Variants in NDRG4 observed in about 807,000 individuals in gnomAD.
The protein encoded by NDRG4 is protein NDRG4.
Under a neutral mutation model 55.8 loss-of-function variants are expected in NDRG4, and 38 were observed. The observed-to-expected ratio is 0.68, with a 90% CI of 0.53 to 0.89. The LOEUF (loss-of-function observed/expected upper bound fraction) is 0.89, where lower values mean the gene tolerates loss of function less well. Ranked by LOEUF, NDRG4 falls within the 40% of genes least tolerant of loss-of-function variation. The pLI, the probability that NDRG4 is intolerant of heterozygous loss-of-function variation, is 0.00. For missense variants in NDRG4, 455 were observed against 468.6 expected (o/e 0.97, Z 0.27); for synonymous variants, 190 against 182.7 (o/e 1.04, Z -0.32).
At chr16:58,469,288 G>A (rs549146851) in intron 1 of NDRG4, among the ~76,000 whole-genome samples, 8 of 151,600 alleles carry the variant, frequency 5.3e-5, no homozygotes, top group Non-Finnish European at 1.2e-4. Flanking sequence ...GTGCTGTGAT[G>A]TTGATGTGGG....
intron 1 of NDRG4, among the ~76,000 whole-genome samples, chr16:58,475,356 T>C (rs1230306583): frequency 1.3e-5 from 2 of 152,194 alleles, no homozygotes; most frequent in Admixed American, 6.5e-5. Context: ...GGCTCACTGG[T>C]TTAAACTGCC....
rs994528714 is a variant in NDRG4 at position 58,504,057 on chromosome 16, G to C, written c.128-97G>C. 1.8e-5 allele frequency: 29 copies of C among 1,592,128 alleles called. No homozygotes were observed. The African/African-American group carries it at 3.8e-4, about 21-fold the overall frequency. ...GCCTCCATTTCCCCGACGGACCCGA[G>C]GCTTACACTTCTGCCTTGCCTGCCC... is the stretch of plus-strand genomic sequence containing the variant. On this transcript the variant is annotated intron_variant, in intron 2 of 14. Coordinates refer to ENST00000570248, the MANE Select transcript of NDRG4 (RefSeq NM_001242835.2).
At chr16:58,481,783 A>G (rs962581000) in intron 1 of NDRG4, among the ~76,000 whole-genome samples, 1 of 152,038 alleles carries the variant, frequency 6.6e-6, no homozygotes, top group Non-Finnish European at 1.5e-5. Flanking sequence ...GGGAATCCTG[A>G]GGGAAGATTG....
At chr16:58,496,538 G>A (rs1442026088), upstream of NDRG4, among the ~76,000 whole-genome samples, 8 of 152,006 alleles carry the variant, frequency 5.3e-5, no homozygotes, top group Admixed American at 2.0e-4. Flanking sequence ...CCCTGCCTCC[G>A]TGGGGGCAGC....
chr16:58,504,532 G>A, intron 4 of NDRG4, 57 bp from the exon 5 acceptor site: 15 of 1,612,774 alleles, frequency 9.3e-6, no homozygotes, highest in Non-Finnish European at 1.1e-5. Context: ...TGCTCTGGAT[G>A]ACATGTATGG....
intron 1 of NDRG4, among the ~76,000 whole-genome samples, chr16:58,486,749 ACG>A (rs1358610795): frequency 3.7e-5 from 5 of 133,372 alleles, no homozygotes; most frequent in African/African-American, 1.4e-4. Flanking sequence ...ACACACACAC[ACG>A]CCTGCATGTA....
intron 1 of NDRG4, among the ~76,000 whole-genome samples, chr16:58,475,236 G>A (rs1389200358): frequency 6.6e-5 from 10 of 152,192 alleles, no homozygotes; most frequent in Non-Finnish European, 1.5e-5. Context: ...AAAGAAATGC[G>A]AGAATTCGTG....
chr16:58,495,714 G>A (rs911996476), upstream of NDRG4, among the ~76,000 whole-genome samples: 8 of 152,244 alleles, frequency 5.3e-5, no homozygotes, highest in South Asian at 2.1e-4. Flanking sequence ...GGAGCAACGC[G>A]AGGATCAGTG....
In NDRG4 at chr16:58,508,120, C is replaced by T. The variant is rs551804383; in HGVS notation, c.729+121C>T. 45 of 832,472 alleles carry T rather than the reference C, an allele frequency of 5.4e-5. 1 individual carries two copies. Among genetic ancestry groups the T allele is most frequent in the East Asian group, 1.4e-4 (5 of 36,582 alleles). The allele number at this position is 832,472 out of a possible 1,614,324, so 51.6% of individuals were successfully genotyped here. A position where few individuals can be genotyped will look rare whatever the true frequency, so the allele number is the denominator to read the frequency against. ...GGGAGCCTCCAGGGCCAGCAGTGGACGGTGGGCTTCTTGTCCACTTTCCCA... is the reference window on the plus strand; with the variant it reads ...GGGAGCCTCCAGGGCCAGCAGTGGATGGTGGGCTTCTTGTCCACTTTCCCA... On this transcript the variant is annotated intron_variant, in intron 10 of 14. Transcript: ENST00000570248.
At chr16:58,469,496 T>G (rs919365005) in intron 1 of NDRG4, among the ~76,000 whole-genome samples, 1 of 152,150 alleles carries the variant, frequency 6.6e-6, no homozygotes, top group Non-Finnish European at 1.5e-5. Flanking sequence ...AGCAGTTGAA[T>G]TTTTAGGAAC....
intron 2 of NDRG4, 46 bp from the exon 3 acceptor site, chr16:58,504,108 T>TC (rs1288355927): frequency 6.2e-7 from 1 of 1,609,114 alleles, no homozygotes; most frequent in African/African-American, 1.3e-5. Context: ...TTCCTTCCAG[T>TC]CCCCCGGCCC....
In NDRG4 at chr16:58,504,451, G is replaced by A. The variant is rs377264504; in HGVS notation, c.311+30G>A. On this transcript the variant is annotated intron_variant, in intron 4 of 14. Transcript: ENST00000570248. ...GTCCCCGCACAGCCCCTGCGCTAGG[G>A]CCCAGGGGTGCCTACCCCAACTGCA... 108 of 1,612,280 alleles carry A rather than the reference G, an allele frequency of 6.7e-5. No individual in the cohort carries two copies. The African/African-American group carries it at 8.0e-4, about 12-fold the overall frequency.
intron 2 of NDRG4, among the ~76,000 whole-genome samples, chr16:58,488,586 A>T (rs137880818): frequency 1.1e-4 from 17 of 151,984 alleles, no homozygotes; most frequent in African/African-American, 3.6e-4. Context: ...TCTTTTACAG[A>T]TGGGGAGGCC....
At position 58,512,121 on chromosome 16, in the gene NDRG4, G is replaced by A. The variant is rs1389660329; in HGVS notation, c.*545G>A. The A allele has an allele frequency of 6.6e-6, 3 of 456,496 alleles. No individual in the cohort carries two copies. The highest frequency in any genetic ancestry group is 2.3e-5 in the Admixed American group (1 of 42,554). 28.3% of individuals were successfully genotyped at this position (456,496 alleles called of 1,614,324 possible). On this transcript the variant is annotated 3_prime_UTR_variant, in exon 15 of 15. Transcript: ENST00000570248. ...GGCAGCCACTTTCCTGGTGCTCTCTGGGCCCAGCTGGTGCTGTAGGGCCAC... is the reference window on the plus strand; with the variant it reads ...GGCAGCCACTTTCCTGGTGCTCTCTAGGCCCAGCTGGTGCTGTAGGGCCAC...
At chr16:58,487,186 C>A (rs8044982) in intron 1 of NDRG4, among the ~76,000 whole-genome samples, 1 of 152,050 alleles carries the variant, frequency 6.6e-6, no homozygotes, top group Non-Finnish European at 1.5e-5. Flanking sequence ...GGAATCATGA[C>A]GTTGCTTTTC....
At chr16:58,495,429 C>A, upstream of NDRG4, 1 of 172,788 alleles carries the variant, frequency 5.8e-6, no homozygotes, top group South Asian at 1.5e-4. Context: ...CCTCTGAGTC[C>A]CACAGTGACC....
At chr16:58,472,335 G>C (rs1039102357) in intron 1 of NDRG4, 3 of 152,272 alleles carry the variant, frequency 2.0e-5, no homozygotes, top group Admixed American at 6.5e-5. Context: ...GCCTGGGGGT[G>C]CTTTTCCCCA....
At chr16:58,511,381 C>G in intron 14 of NDRG4, 41 bp from the exon 15 acceptor site, 1 of 1,551,742 alleles carries the variant, frequency 6.4e-7, no homozygotes, top group South Asian at 1.2e-5. Context: ...GCACCTGGCC[C>G]TGCCCGCCAG....
At chr16:58,507,115 G>C in intron 8 of NDRG4, 100 bp downstream of exon 8, 1 of 895,646 alleles carries the variant, frequency 1.1e-6, no homozygotes, top group East Asian at 2.6e-5. Context: ...CCTTGCCCTG[G>C]TTTGTAGATG....
Sources: allele counts gnomAD v4.1 joint callset (sites outside exome capture counted in the v4.1 genomes callset), GRCh38; gene constraint gnomAD v4.1.1; transcripts MANE v1.5; gene names NCBI Gene and HGNC (gene_info 2026-07-23, HGNC 2026-07-21).